The following PPARA variants were observed in gnomAD, a reference collection of about 807,000 sequenced individuals.
The protein encoded by PPARA is peroxisome proliferator-activated receptor alpha.
PPARA carries 22 observed loss-of-function variants against 42.2 expected under a neutral mutation model. The observed-to-expected ratio is 0.52, with a 90% CI of 0.37 to 0.74. The LOEUF (loss-of-function observed/expected upper bound fraction) is 0.74, where lower values mean the gene tolerates loss of function less well. Among genes scored for constraint, PPARA ranks in the 30% least tolerant of loss-of-function variants. PPARA has a pLI of 0.00. For missense variants in PPARA, 465 were observed against 608.2 expected, an observed-to-expected ratio of 0.76 and a Z score of 2.48; for synonymous variants, 242 against 239.3, an observed-to-expected ratio of 1.01 and a Z score of -0.10.
chr22:46,232,177 A>G lies in PPARA; in HGVS notation c.1097A>G (p.Asn366Ser). ...EPKFDFAMKF[N>S]ALELDDSDIS... ...AAGTTTGATTTTGCCATGAAGTTCA[A>G]TGCACTGGAACTGGATGACAGTGAT... The change falls in exon 8 of 9, where the codon AAT becomes AGT. Residue 366 changes from asparagine (N) to serine (S), a missense_variant. By Grantham distance (46) the Asn-to-Ser change is conservative (BLOSUM62 1). Transcript: ENST00000407236. The surrounding 1 kb of genome is among the most constrained non-coding windows in gnomAD (Gnocchi z 5.3). The G allele has an allele frequency of 6.2e-7, 1 of 1,614,228 alleles. No individual in the cohort carries two copies. The highest frequency in any genetic ancestry group is 8.5e-7 in the Non-Finnish European group (1 of 1,180,044).
At chr22:46,194,711 A>G (rs1347693852) in intron 3 of PPARA, among the ~76,000 whole-genome samples, 1 of 150,256 alleles carries the variant, frequency 6.7e-6, no homozygotes, top group Non-Finnish European at 1.5e-5. Context: ...AGCTGGGATT[A>G]CAGGCACCTG....
intron 7 of PPARA, among the ~76,000 whole-genome samples, chr22:46,229,512 T>C (rs1241046634): frequency 6.6e-6 from 1 of 151,880 alleles, no homozygotes; most frequent in Non-Finnish European, 1.5e-5. Flanking sequence ...TGAGCTGGGA[T>C]TGCACCACTG....
At chr22:46,186,390 C>T (rs986113664) in intron 3 of PPARA, among the ~76,000 whole-genome samples, 1 of 151,986 alleles carries the variant, frequency 6.6e-6, no homozygotes, top group African/African-American at 2.4e-5. Flanking sequence ...AGGTGTGGTC[C>T]CGCCTTTGTA....
chr22:46,185,411 A>G (rs1208624081), intron 3 of PPARA, among the ~76,000 whole-genome samples: 1 of 152,008 alleles, frequency 6.6e-6, no homozygotes, highest in Non-Finnish European at 1.5e-5. Flanking sequence ...TAGAGTGAGG[A>G]CCATTTGAAC....
In PPARA at chr22:46,188,211, T is replaced by C. The variant is rs757840248; in HGVS notation, c.-42-10131T>C. ...GAATTGTGAACAAATAAAATGGTTG[T>C]AGTTATAAGCCATTAAGTTTCAGAG... On this transcript the variant is annotated intron_variant, in intron 3 of 8. Coordinates refer to ENST00000407236, the MANE Select transcript of PPARA (RefSeq NM_005036.6). The surrounding 1 kb of genome is among the most constrained non-coding windows in gnomAD (Gnocchi z 5.0). Among the ~76,000 whole-genome samples, 1 of 152,232 alleles carries C rather than the reference T, an allele frequency of 6.6e-6. No homozygotes were observed. Among genetic ancestry groups the C allele is most frequent in the African/African-American group, 2.4e-5 (1 of 41,464 alleles).
chr22:46,239,925 G>T lies in PPARA; in HGVS notation c.*4545G>T, dbSNP rs1936328165. Reference sequence around the variant, plus strand: ...TTACCAGCCGCATACATGATGGAGGGTTTTTTGGTCCTGATCCAGTGGCCA... The same window carrying T: ...TTACCAGCCGCATACATGATGGAGGTTTTTTTGGTCCTGATCCAGTGGCCA... On this transcript the variant is annotated 3_prime_UTR_variant, in exon 9 of 9. Transcript: ENST00000407236. 5.4e-6 allele frequency: 2 copies of T among 372,308 alleles called. No homozygotes were observed. The highest frequency in any genetic ancestry group is 9.5e-6 in the Non-Finnish European group (2 of 210,202). The allele number at this position is 372,308 out of a possible 1,614,324, so 23.1% of individuals were successfully genotyped here.
chr22:46,194,083 G>T (rs534318908), intron 3 of PPARA, among the ~76,000 whole-genome samples: 18 of 152,314 alleles, frequency 1.2e-4, no homozygotes, highest in African/African-American at 3.8e-4. Flanking sequence ...CTGGGAGGGC[G>T]TGCAGGGTGG....
Position 46,195,709 on chromosome 22 carries a change from G to C in PPARA, c.-42-2633G>C, listed in dbSNP as rs1417514943. On this transcript the variant is annotated intron_variant, in intron 3 of 8. Transcript: ENST00000407236. The surrounding 1 kb of genome is among the most constrained non-coding windows in gnomAD (Gnocchi z 4.6). ...ATTTAATGGGTGAATATTTGCTTTG[G>C]GACGGTATTCTTTACTCTATCTGGA... is the stretch of plus-strand genomic sequence containing the variant. Among the ~76,000 whole-genome samples the C allele has an allele frequency of 3.3e-5, 5 of 152,114 alleles. No homozygotes were observed. Among genetic ancestry groups the C allele is most frequent in the Admixed American group, 3.3e-4 (5 of 15,270 alleles).
At position 46,191,185 on chromosome 22, in the gene PPARA, C is replaced by A. The variant is rs372352737; in HGVS notation, c.-42-7157C>A. ...CTCCAGCCTGGGTGACAGAGTGAGACTGCATCTATAAAAACAACAACAAAA... is the reference window on the plus strand; with the variant it reads ...CTCCAGCCTGGGTGACAGAGTGAGAATGCATCTATAAAAACAACAACAAAA... On this transcript the variant is annotated intron_variant, in intron 3 of 8. Transcript: ENST00000407236. The surrounding 1 kb of genome is among the most constrained non-coding windows in gnomAD (Gnocchi z 4.6). Among the ~76,000 whole-genome samples, 1 of 152,140 alleles carries A rather than the reference C, an allele frequency of 6.6e-6. No individual in the cohort carries two copies. The highest frequency in any genetic ancestry group is 2.4e-5 in the African/African-American group (1 of 41,410).
chr22:46,231,682 AGGCACTGAGCTTG>A lies in PPARA; in HGVS notation c.712-108_712-96del. 8.9e-7 allele frequency: 1 copy of A among 1,126,504 alleles called. No homozygotes were observed. The highest frequency in any genetic ancestry group is 1.3e-6 in the Non-Finnish European group (1 of 761,156). The allele number at this position is 1,126,504 out of a possible 1,614,324, so 69.8% of individuals were successfully genotyped here. A position where few individuals can be genotyped will look rare whatever the true frequency, so the allele number is the denominator to read the frequency against. ...TTCCGCGGGTATCTTGAGTCCTCTGAGGCACTGAGCTTGGTGATTTGGACGCAGGAGCTGCTCA... is the reference window on the plus strand; with the variant it reads ...TTCCGCGGGTATCTTGAGTCCTCTGAGTGATTTGGACGCAGGAGCTGCTCA... On this transcript the variant is annotated intron_variant, in intron 7 of 8. Coordinates refer to ENST00000407236, the MANE Select transcript of PPARA (RefSeq NM_005036.6). This position sits in a 1 kb window ranked among gnomAD's most constrained non-coding sequence, Gnocchi z 7.7.
chr22:46,220,463 C>T (rs1934911583), intron 7 of PPARA: 1 of 233,682 alleles, frequency 4.3e-6, no homozygotes, highest in Admixed American at 5.2e-5. Flanking sequence ...TACAGGTGTG[C>T]ACCACCACAC....
chr22:46,152,145 T>C (rs906890253), intron 2 of PPARA, among the ~76,000 whole-genome samples, 175 bp downstream of exon 2: 1 of 148,390 alleles, frequency 6.7e-6, no homozygotes, highest in African/African-American at 2.5e-5. Context: ...TTTTTTTTTT[T>C]TTTTTTTTTT....
In PPARA at chr22:46,233,967, G is replaced by A. The variant is rs984551987; in HGVS notation, c.1160-1166G>A. 6.6e-6 allele frequency among the ~76,000 whole-genome samples: 1 copy of A among 152,118 alleles called. No homozygotes were observed. The highest frequency in any genetic ancestry group is 1.5e-5 in the Non-Finnish European group (1 of 68,010). On this transcript the variant is annotated intron_variant, in intron 8 of 8. Coordinates refer to ENST00000407236, the MANE Select transcript of PPARA (RefSeq NM_005036.6). This position sits in a 1 kb window ranked among gnomAD's most constrained non-coding sequence, Gnocchi z 7.3. ...GCCTCCTGAGTAGCTGAGATTACAG[G>A]AACATGCCAGCACACCTGGCTAATT...
intron 3 of PPARA, among the ~76,000 whole-genome samples, chr22:46,179,727 A>G (rs893298105): frequency 6.6e-6 from 1 of 152,358 alleles, no homozygotes; most frequent in East Asian, 1.9e-4. Context: ...AACTTCATCA[A>G]AATGAAACTT....
chr22:46,215,511 G>A (rs1487787349), intron 5 of PPARA, 178 bp downstream of exon 5: 5 of 771,320 alleles, frequency 6.5e-6, no homozygotes, highest in Non-Finnish European at 1.1e-5. Context: ...ACCGAGATGG[G>A]TGGATCACCT....
chr22:46,181,210 G>A (rs1295638276), intron 3 of PPARA, among the ~76,000 whole-genome samples: 1 of 152,162 alleles, frequency 6.6e-6, no homozygotes, highest in African/African-American at 2.4e-5. Flanking sequence ...CTTGACTAAG[G>A]ATCGGGAACT....
chr22:46,189,044 C>T (rs1931198313), intron 3 of PPARA, among the ~76,000 whole-genome samples: 2 of 152,326 alleles, frequency 1.3e-5, no homozygotes, highest in East Asian at 1.9e-4. Context: ...CCTTGCTATG[C>T]GTCCCATCCT....
At chr22:46,170,861 G>A (rs1927915311) in intron 2 of PPARA, among the ~76,000 whole-genome samples, 1 of 151,514 alleles carries the variant, frequency 6.6e-6, no homozygotes, top group South Asian at 2.1e-4. Flanking sequence ...AAAGAAGTAG[G>A]ATAAAGTACA....
rs146328196 is a variant in PPARA, at chr22:46,183,338, C to T, written c.-43+6502C>T. Among the ~76,000 whole-genome samples the T allele has an allele frequency of 4.4e-3, 668 of 152,348 alleles. 8 individuals are homozygous for T. Among genetic ancestry groups the T allele is most frequent in the African/African-American group, 0.016 (645 of 41,586 alleles). ...ATTAGAATAATACTACATTTTCCCT[C>T]ATCTCTAAACTTGACTGAAGACTCC... On this transcript the variant is annotated intron_variant, in intron 3 of 8. Coordinates refer to ENST00000407236, the MANE Select transcript of PPARA (RefSeq NM_005036.6). This position sits in a 1 kb window ranked among gnomAD's most constrained non-coding sequence, Gnocchi z 5.5.
Sources: allele counts gnomAD v4.1 joint callset (sites outside exome capture counted in the v4.1 genomes callset), GRCh38; gene constraint gnomAD v4.1.1; non-coding constraint Gnocchi (gnomAD v3.1); transcripts MANE v1.5; gene names NCBI Gene and HGNC (gene_info 2026-07-23, HGNC 2026-07-21).